PCDHGA2: variants seen among roughly 807,000 people sequenced by gnomAD.
The protein encoded by PCDHGA2 is protocadherin gamma subfamily A, 2.
In PCDHGA2, 40 loss-of-function variants were observed where a neutral mutation model predicts 59.2. The ratio of observed to expected loss-of-function variants is 0.68; its 90% CI spans 0.52 to 0.88. The LOEUF (loss-of-function observed/expected upper bound fraction) is 0.88, where lower values mean the gene tolerates loss of function less well. PCDHGA2 is among the 40% of genes least tolerant of loss of function. PCDHGA2 has a pLI of 0.00. For synonymous variants in PCDHGA2, 560 were observed against 526.0 expected (o/e 1.06, Z -0.89); for missense variants, 1,226 against 1,204.0 (o/e 1.02, Z -0.27).
chr5:141,370,887 A>G, intron 1 of PCDHGA2: 1 of 1,614,024 alleles, frequency 6.2e-7, no homozygotes, highest in South Asian at 1.1e-5. Context: ...TGTAGGTGTC[A>G]ATTCGCTGCA....
intron 1 of PCDHGA2, chr5:141,395,340 G>T (rs529007241): frequency 2.1e-6 from 3 of 1,419,360 alleles, no homozygotes; most frequent in Non-Finnish European, 1.9e-6. Flanking sequence ...TAATTTTTAA[G>T]GTGTATCACA....
intron 1 of PCDHGA2, chr5:141,371,926 G>A (rs766218641): frequency 2.5e-6 from 4 of 1,613,370 alleles, no homozygotes; most frequent in East Asian, 4.5e-5. Context: ...AGCGCGCGGA[G>A]CGGGGTGGTG....
In PCDHGA2 at chr5:141,503,243, C is replaced by T. The variant is rs146741382; in HGVS notation, c.2484-2150C>T. Among the ~76,000 whole-genome samples the T allele has an allele frequency of 3.1e-4, 47 of 152,198 alleles. No individual in the cohort carries two copies. The East Asian group carries it at 8.9e-3, about 29-fold the overall frequency. ...CACCGTAAAGATGGACAGTTTCTAT[C>T]ATACTCACAGCCACAACCCCAGCAC... On this transcript the variant is annotated intron_variant, in intron 2 of 3. Coordinates refer to ENST00000394576, the MANE Select transcript of PCDHGA2 (RefSeq NM_018915.4).
intron 1 of PCDHGA2, chr5:141,427,791 G>T (rs763294539): frequency 1.3e-6 from 2 of 1,488,082 alleles, no homozygotes; most frequent in South Asian, 1.1e-5. Context: ...GTCGTCCTAC[G>T]TGTCCGTGAG....
chr5:141,426,431 A>G (rs916399837), intron 1 of PCDHGA2: 1 of 297,328 alleles, frequency 3.4e-6, no homozygotes, highest in Non-Finnish European at 6.7e-6. Context: ...GTGGTGGGGA[A>G]CCTTGCGGAG....
intron 1 of PCDHGA2, among the ~76,000 whole-genome samples, chr5:141,457,656 G>T (rs2098926936): frequency 6.6e-6 from 1 of 152,244 alleles, no homozygotes; most frequent in Non-Finnish European, 1.5e-5. Context: ...ATGAAGTGCA[G>T]CAAGAATGGT....
intron 1 of PCDHGA2, chr5:141,405,281 G>A (rs1001215863): frequency 1.2e-6 from 2 of 1,614,158 alleles, no homozygotes; most frequent in Non-Finnish European, 1.7e-6. Flanking sequence ...CAACTATGCA[G>A]ACACACTCAT....
At chr5:141,483,534 G>C (rs754118568) in intron 1 of PCDHGA2, among the ~76,000 whole-genome samples, 1 of 152,102 alleles carries the variant, frequency 6.6e-6, no homozygotes, top group Non-Finnish European at 1.5e-5. Flanking sequence ...AAGGAAGCTG[G>C]GTGGTTGACA....
intron 1 of PCDHGA2, chr5:141,343,135 C>A: frequency 4.6e-6 from 1 of 216,992 alleles, no homozygotes; most frequent in Non-Finnish European, 7.9e-6. Flanking sequence ...TCCTTATAAT[C>A]TCTGTGAAGG....
At chr5:141,450,836 T>A (rs991599340) in intron 1 of PCDHGA2, among the ~76,000 whole-genome samples, 2 of 149,760 alleles carry the variant, frequency 1.3e-5, no homozygotes, top group African/African-American at 4.9e-5. Flanking sequence ...ATTATTTTTT[T>A]TTTTTTGAGA....
chr5:141,382,674 C>G (rs951969894), intron 1 of PCDHGA2: 43 of 436,018 alleles, frequency 9.9e-5, no homozygotes, highest in African/African-American at 8.4e-4. Context: ...CCGCTGTTCA[C>G]CAACCAGGGA....
chr5:141,418,397 T>C (rs764404369), intron 1 of PCDHGA2: 9 of 1,613,838 alleles, frequency 5.6e-6, no homozygotes, highest in South Asian at 3.3e-5. Context: ...GTATTTCTCA[T>C]TGGTGGAGAA....
rs551220443 is a variant in PCDHGA2, at chr5:141,432,206, G to A, written c.2425-62601G>A. On this transcript the variant is annotated intron_variant, in intron 1 of 3. Transcript: ENST00000394576. The surrounding 1 kb of genome is among the most constrained non-coding windows in gnomAD (Gnocchi z 6.0). ...GACCGCCCACGACCCCGACTGTGAA[G>A]AGAACGCCCAGATCACTTATTCCCT... The A allele has an allele frequency of 6.2e-7, 1 of 1,614,096 alleles. No individual in the cohort carries two copies. Among genetic ancestry groups the A allele is most frequent in the Non-Finnish European group, 8.5e-7 (1 of 1,180,042 alleles).
intron 1 of PCDHGA2, chr5:141,361,949 C>T: frequency 6.2e-7 from 1 of 1,604,150 alleles, no homozygotes; most frequent in Non-Finnish European, 8.5e-7. Flanking sequence ...GCTTGGCTGT[C>T]CTACCACGTG....
chr5:141,347,483 A>T (rs1757972664), intron 1 of PCDHGA2, among the ~76,000 whole-genome samples: 1 of 152,050 alleles, frequency 6.6e-6, no homozygotes, highest in Non-Finnish European at 1.5e-5. Flanking sequence ...AATAACATAA[A>T]AATTGGAGAA....
intron 1 of PCDHGA2, chr5:141,413,327 A>G (rs200027912): frequency 6.2e-7 from 1 of 1,613,984 alleles, no homozygotes; most frequent in Non-Finnish European, 8.5e-7. Context: ...TTCGTGGGCA[A>G]CATCTCCAAG....
chr5:141,432,196 C>G lies in PCDHGA2; in HGVS notation c.2425-62611C>G, dbSNP rs200790843. ...TCGTCTCTGTGACCGCCCACGACCC[C>G]GACTGTGAAGAGAACGCCCAGATCA... On this transcript the variant is annotated intron_variant, in intron 1 of 3. Transcript: ENST00000394576. The surrounding 1 kb of genome is among the most constrained non-coding windows in gnomAD (Gnocchi z 6.0). The G allele has an allele frequency of 6.2e-7, 1 of 1,614,192 alleles. No individual in the cohort carries two copies. Among genetic ancestry groups the G allele is most frequent in the East Asian group, 2.2e-5 (1 of 44,880 alleles).
intron 1 of PCDHGA2, chr5:141,385,657 C>A: frequency 1.6e-6 from 1 of 611,856 alleles, no homozygotes; most frequent in Non-Finnish European, 2.2e-6. Context: ...ACAAGGTTAG[C>A]AGGAATAAAA....
chr5:141,415,078 GC>G (rs2095826068), intron 1 of PCDHGA2: 1 of 1,613,376 alleles, frequency 6.2e-7, no homozygotes, highest in Non-Finnish European at 8.5e-7. Flanking sequence ...CACGGCGCGA[GC>G]CCTGCTGGAC....
Sources: gnomAD v4.1 joint callset for allele counts (sites outside exome capture counted in the v4.1 genomes callset) on GRCh38, gnomAD v4.1.1 for gene constraint, Gnocchi (gnomAD v3.1) non-coding constraint, MANE v1.5 for transcripts, NCBI Gene and HGNC (gene_info 2026-07-23, HGNC 2026-07-21) for gene names.